PCDHGA5: variants seen among roughly 807,000 people sequenced by gnomAD.
PCDHGA5 encodes protocadherin gamma-A5.
Under a neutral mutation model 56.7 loss-of-function variants are expected in PCDHGA5, and 36 were observed. The observed-to-expected ratio is 0.64, with a 90% confidence interval of 0.49 to 0.84. The LOEUF (loss-of-function observed/expected upper bound fraction) is 0.84, where lower values mean the gene tolerates loss of function less well. Ranked by LOEUF, PCDHGA5 falls within the 40% of genes least tolerant of loss-of-function variation. The pLI, the probability that PCDHGA5 is intolerant of heterozygous loss-of-function variation, is 0.00. For synonymous variants in PCDHGA5, 563 were observed against 520.2 expected (o/e 1.08, Z -1.12); for missense variants, 1,305 against 1,201.5 (o/e 1.09, Z -1.27).
intron 1 of PCDHGA5, among the ~76,000 whole-genome samples, chr5:141,451,062 T>C (rs1292296274): frequency 1.3e-5 from 2 of 151,500 alleles, no homozygotes; most frequent in Non-Finnish European, 2.9e-5. Flanking sequence ...ACTCCTGACC[T>C]TGTGATCCAC....
chr5:141,498,103 G>C (rs2099781622), intron 2 of PCDHGA5, among the ~76,000 whole-genome samples: 1 of 152,216 alleles, frequency 6.6e-6, no homozygotes. Context: ...GGTGGTGTGG[G>C]CGTATAATAG....
intron 1 of PCDHGA5, among the ~76,000 whole-genome samples, chr5:141,475,035 G>T (rs983190948): frequency 2.0e-5 from 3 of 152,132 alleles, no homozygotes. Context: ...GTGACTAAAG[G>T]CTTTGTATTT....
rs772345742 is a variant in PCDHGA5 at position 141,398,560 on chromosome 5, T to C, written c.2421+31809T>C. 17 of 1,613,792 alleles carry C rather than the reference T, an allele frequency of 1.1e-5. No individual in the cohort carries two copies. The Admixed American group carries it at 2.2e-4, about 21-fold the overall frequency. ...TTCCTTTGAGCTGCAAATAAGTGAG[T>C]CTGCACAGCCTGGCACAAGATTTAT... On this transcript the variant is annotated intron_variant, in intron 1 of 3. Transcript: ENST00000518069.
At chr5:141,445,938 G>A (rs2098482293) in intron 1 of PCDHGA5, among the ~76,000 whole-genome samples, 1 of 152,196 alleles carries the variant, frequency 6.6e-6, no homozygotes, top group Non-Finnish European at 1.5e-5. Flanking sequence ...GAATTATTAA[G>A]CTTACTCTGG....
chr5:141,433,054 G>A, intron 1 of PCDHGA5: 2 of 1,614,196 alleles, frequency 1.2e-6, no homozygotes, highest in Non-Finnish European at 1.7e-6. Context: ...ACTCGCGGAA[G>A]AGTCACCTGA....
chr5:141,463,510 G>A (rs1031854898), intron 1 of PCDHGA5, among the ~76,000 whole-genome samples: 4 of 143,710 alleles, frequency 2.8e-5, no homozygotes, highest in Non-Finnish European at 4.5e-5. Context: ...GTGACGTGGC[G>A]TGATCTCGGC....
In PCDHGA5 at chr5:141,427,233, G is replaced by A. The variant is rs147039909; in HGVS notation, c.2421+60482G>A. On this transcript the variant is annotated intron_variant, in intron 1 of 3. Transcript: ENST00000518069. Reference sequence around the variant, plus strand: ...ATTTCGTAGCAGTTATACCATGAGAGTAGAAGCTAAGGATGGTGGAGGCAT... The same window carrying A: ...ATTTCGTAGCAGTTATACCATGAGAATAGAAGCTAAGGATGGTGGAGGCAT... 180 of 456,756 alleles carry A rather than the reference G, an allele frequency of 3.9e-4. 1 individual carries two copies. The highest frequency in any genetic ancestry group is 3.5e-3 in the African/African-American group (176 of 50,196). The allele number at this position is 456,756 out of a possible 1,614,324, so 28.3% of individuals were successfully genotyped here.
At chr5:141,434,427 G>A (rs2097693282) in intron 1 of PCDHGA5, among the ~76,000 whole-genome samples, 1 of 152,216 alleles carries the variant, frequency 6.6e-6, no homozygotes, top group African/African-American at 2.4e-5. Context: ...GTTCATGATG[G>A]CCGTAATGCC....
chr5:141,426,898 C>G (rs1246109323), intron 1 of PCDHGA5: 3 of 456,634 alleles, frequency 6.6e-6, no homozygotes, highest in Admixed American at 4.7e-5. Context: ...CAACAGAGCT[C>G]TCATCTCCTG....
intron 1 of PCDHGA5, among the ~76,000 whole-genome samples, chr5:141,450,379 A>C (rs1269979263): frequency 6.6e-6 from 1 of 152,144 alleles, no homozygotes; most frequent in Non-Finnish European, 1.5e-5. Flanking sequence ...GTTTATATGA[A>C]ACTGACATTT....
At chr5:141,371,108 C>T (rs754711722) in intron 1 of PCDHGA5, 1 of 1,613,760 alleles carries the variant, frequency 6.2e-7, no homozygotes, top group African/African-American at 1.3e-5. Context: ...CAAATGATAA[C>T]CCCCCAGTAT....
rs1482984712 is a variant in PCDHGA5, at chr5:141,364,509, C to T, written c.179C>T (p.Ala60Val). ...CTTGGGCTGGAGCCCCAGGAGCTGG[C>T]GGAGCGCGGAGTCCGCATCGTCTCC... ...KDLGLEPQEL[A>V]ERGVRIVSRG... is the part of the protein sequence containing the mutation. The change falls in exon 1 of 4, where the codon GCG (alanine) becomes GTG (valine). Residue 60 changes from alanine (A) to valine (V), a missense_variant. Physicochemically the swap from Ala to Val is moderately conservative, Grantham distance 64. Transcript: ENST00000518069. 1.2e-6 allele frequency: 2 copies of T among 1,613,942 alleles called. No individual in the cohort carries two copies. Among genetic ancestry groups the T allele is most frequent in the South Asian group, 1.1e-5 (1 of 91,086 alleles).
intron 3 of PCDHGA5, among the ~76,000 whole-genome samples, chr5:141,508,937 G>T (rs764041162): frequency 3.0e-4 from 45 of 152,040 alleles, no homozygotes; most frequent in Non-Finnish European, 6.3e-4. Flanking sequence ...AGTTAATTAG[G>T]GAAAACAGAG....
intron 1 of PCDHGA5, chr5:141,376,531 G>T (rs1240526589): frequency 3.7e-6 from 6 of 1,613,608 alleles, no homozygotes; most frequent in Non-Finnish European, 5.1e-6. Context: ...CGCCTAAGCG[G>T]GAAGAGTAAT....
intron 1 of PCDHGA5, chr5:141,423,256 G>T (rs751894091): frequency 1.4e-5 from 22 of 1,613,816 alleles, no homozygotes; most frequent in Middle Eastern, 1.6e-4. Flanking sequence ...GGCGGACCTC[G>T]GCAGCCTCGA....
Position 141,365,773 on chromosome 5 carries a change from C to T in PCDHGA5, c.1443C>T (p.Ser481=). The part of the protein sequence containing the change: ...IFSVTAHDPD[S]GDNARVTYSL... Reference sequence around the variant, plus strand: ...CTGTGACAGCCCATGACCCCGACAGCGGCGACAACGCTCGAGTCACCTACT... The same window carrying T: ...CTGTGACAGCCCATGACCCCGACAGTGGCGACAACGCTCGAGTCACCTACT... The change falls in exon 1 of 4, where the codon AGC becomes AGT. Residue 481 remains serine, a synonymous_variant. Transcript: ENST00000518069. 2 of 1,613,862 alleles carry T rather than the reference C, an allele frequency of 1.2e-6. No individual in the cohort carries two copies. Among genetic ancestry groups the T allele is most frequent in the African/African-American group, 1.3e-5 (1 of 75,018 alleles).
intron 1 of PCDHGA5, chr5:141,387,711 C>T: frequency 9.6e-7 from 1 of 1,041,396 alleles, no homozygotes; most frequent in Non-Finnish European, 1.4e-6. Flanking sequence ...GCAGCCCCAG[C>T]TCAGACTCCC....
chr5:141,409,951 G>C (rs1480000390), intron 1 of PCDHGA5: 1 of 1,613,256 alleles, frequency 6.2e-7, no homozygotes, highest in Non-Finnish European at 8.5e-7. Flanking sequence ...GCTCTGCAGA[G>C]CCCGGCTACC....
At chr5:141,388,574 T>A (rs372294800) in intron 1 of PCDHGA5, 107 of 1,613,842 alleles carry the variant, frequency 6.6e-5, no homozygotes, top group Middle Eastern at 1.6e-4. Context: ...AGATACACGT[T>A]CTAGTGACTG....
Sources: gnomAD v4.1 joint callset for allele counts (sites outside exome capture counted in the v4.1 genomes callset) on GRCh38, gnomAD v4.1.1 for gene constraint, MANE v1.5 for transcripts, NCBI Gene and HGNC (gene_info 2026-07-23, HGNC 2026-07-21) for gene names.